The following LIFR variants were observed in gnomAD, a reference collection of about 807,000 sequenced individuals.
The protein encoded by LIFR is leukemia inhibitory factor receptor.
Under a neutral mutation model 122.2 loss-of-function variants are expected in LIFR, and 84 were observed. The ratio of observed to expected loss-of-function variants is 0.69; its 90% confidence interval spans 0.58 to 0.82. The LOEUF (loss-of-function observed/expected upper bound fraction) is 0.82, where lower values mean the gene tolerates loss of function less well. Ranked by LOEUF, LIFR falls within the 40% of genes least tolerant of loss-of-function variation. LIFR has a pLI of 0.00. For synonymous variants in LIFR, 422 were observed against 434.7 expected (o/e 0.97, Z 0.36); for missense variants, 1,294 against 1,311.6 (o/e 0.99, Z 0.21).
intron 7 of LIFR, 66 bp downstream of exon 7, chr5:38,510,398 A>C: frequency 6.7e-7 from 1 of 1,484,752 alleles, no homozygotes; most frequent in Non-Finnish European, 9.3e-7. Context: ...CTCCAGAAGA[A>C]TTAAGGCTTT....
upstream of LIFR, among the ~76,000 whole-genome samples, chr5:38,598,221 T>A (rs2112777582): frequency 1.5e-5 from 1 of 67,084 alleles, no homozygotes; most frequent in Admixed American, 1.3e-4. Flanking sequence ...CTTTTTTTTT[T>A]TTTTTTTTTT....
intron 18 of LIFR, among the ~76,000 whole-genome samples, chr5:38,483,030 T>A (rs1161014339): frequency 6.6e-6 from 1 of 152,214 alleles, no homozygotes; most frequent in East Asian, 1.9e-4. Context: ...AAGGTGGTCA[T>A]AAAGGTGATA....
chr5:38,508,972 C>T (rs1745648000), intron 7 of LIFR, among the ~76,000 whole-genome samples: 1 of 152,118 alleles, frequency 6.6e-6, no homozygotes, highest in Non-Finnish European at 1.5e-5. Context: ...ACCTAACTCA[C>T]GAAATAACCT....
chr5:38,547,447 C>T (rs1292828697), intron 1 of LIFR, among the ~76,000 whole-genome samples: 3 of 152,148 alleles, frequency 2.0e-5, no homozygotes, highest in African/African-American at 7.2e-5. Flanking sequence ...ACCATGAATT[C>T]TACACAGGAA....
At chr5:38,606,470 A>G (rs1188368204) in intron 1 of LIFR, among the ~76,000 whole-genome samples, 1 of 152,208 alleles carries the variant, frequency 6.6e-6, no homozygotes, top group African/African-American at 2.4e-5. Flanking sequence ...CCCCACCTCC[A>G]GCATTAGGGA....
chr5:38,561,538 T>C (rs1281392967), upstream of LIFR, among the ~76,000 whole-genome samples: 1 of 152,242 alleles, frequency 6.6e-6, no homozygotes, highest in East Asian at 1.9e-4. Flanking sequence ...AGCCAAGGTA[T>C]ATATATCTAT....
intron 1 of LIFR, among the ~76,000 whole-genome samples, chr5:38,531,743 A>C (rs1191656291): frequency 6.6e-6 from 1 of 152,202 alleles, no homozygotes; most frequent in Admixed American, 6.5e-5. Flanking sequence ...GAGATCCAAC[A>C]CCTAAATAAC....
At chr5:38,528,652 C>CTTA (rs1746819408) in intron 3 of LIFR, 74 bp downstream of exon 3, 1 of 886,290 alleles carries the variant, frequency 1.1e-6, no homozygotes, top group Admixed American at 2.0e-5. Context: ...GTTTCACAAG[C>CTTA]AATAAGGTAA....
intron 1 of LIFR, among the ~76,000 whole-genome samples, chr5:38,536,183 T>C (rs940299605): frequency 3.3e-5 from 5 of 152,202 alleles, no homozygotes; most frequent in African/African-American, 7.2e-5. Context: ...CAGTACTCAA[T>C]AGCTTCACAC....
At chr5:38,588,159 TG>T (rs1353907728) in intron 1 of LIFR, among the ~76,000 whole-genome samples, 2 of 152,204 alleles carry the variant, frequency 1.3e-5, no homozygotes, top group Non-Finnish European at 2.9e-5. Flanking sequence ...CATTAACATG[TG>T]ACATGGATAC....
rs1743841909 is a variant in LIFR at position 38,478,820 on chromosome 5, C to G, written c.*2775G>C. 4.5e-6 allele frequency: 1 copy of G among 221,804 alleles called. No individual in the cohort carries two copies. The highest frequency in any genetic ancestry group is 2.2e-5 in the African/African-American group (1 of 44,626). The allele number at this position is 221,804 out of a possible 1,614,324, so 13.7% of individuals were successfully genotyped here. A position where few individuals can be genotyped will look rare whatever the true frequency, so the allele number is the denominator to read the frequency against. Reference sequence around the variant, plus strand: ...TAGTTTGACAATTAGATTTTTCTAACCAATGACTGGGCTTTCACTGAGGAA... The same window carrying G: ...TAGTTTGACAATTAGATTTTTCTAAGCAATGACTGGGCTTTCACTGAGGAA... On this transcript the variant is annotated 3_prime_UTR_variant, in exon 20 of 20. Coordinates refer to ENST00000453190, the MANE Select transcript of LIFR (RefSeq NM_001127671.2).
At position 38,476,774 on chromosome 5, in the gene LIFR, C is replaced by T. The variant is rs921446474; in HGVS notation, c.*4821G>A. ...TTCTACGGTTCTTTAGGCACTTACA[C>T]ATAAAAACATTCAGAGGGTTTTCCC... On this transcript the variant is annotated 3_prime_UTR_variant, in exon 20 of 20. Transcript: ENST00000453190. The T allele has an allele frequency of 3.3e-5, 7 of 210,226 alleles. No homozygotes were observed. The highest frequency in any genetic ancestry group is 4.8e-5 in the Non-Finnish European group (5 of 103,662). The allele number at this position is 210,226 out of a possible 1,614,324, so 13.0% of individuals were successfully genotyped here. A position where few individuals can be genotyped will look rare whatever the true frequency, so the allele number is the denominator to read the frequency against.
Position 38,511,984 on chromosome 5 carries a change from CAAAACTGT to C in LIFR, c.562-28_562-21del. The C allele has an allele frequency of 6.2e-7, 1 of 1,612,418 alleles. No individual in the cohort carries two copies. The highest frequency in any genetic ancestry group is 2.2e-5 in the East Asian group (1 of 44,812). ...GGTCACCTAAAAATGAACACAAACACAAAACTGTATTTCCAAGTAGCAATATGTTTTGC... is the reference window on the plus strand; with the variant it reads ...GGTCACCTAAAAATGAACACAAACACATTTCCAAGTAGCAATATGTTTTGC... On this transcript the variant is annotated intron_variant, in intron 5 of 19. Coordinates refer to ENST00000453190, the MANE Select transcript of LIFR (RefSeq NM_001127671.2).
At chr5:38,521,286 C>G (rs890301586) in intron 5 of LIFR, among the ~76,000 whole-genome samples, 1 of 152,160 alleles carries the variant, frequency 6.6e-6, no homozygotes, top group East Asian at 1.9e-4. Flanking sequence ...CCTCCTGCAA[C>G]TTTACTAACT....
At chr5:38,564,695 T>A (rs1355975411) in intron 1 of LIFR, among the ~76,000 whole-genome samples, 1 of 151,520 alleles carries the variant, frequency 6.6e-6, no homozygotes, top group African/African-American at 2.4e-5. Flanking sequence ...TACATATGCA[T>A]ATGTATATAT....
Position 38,605,052 on chromosome 5 carries a change from A to C in LIFR, n.305+1153T>G, listed in dbSNP as rs116539152. 6.5e-3 allele frequency among the ~76,000 whole-genome samples: 985 copies of C among 152,266 alleles called. 11 individuals carry two copies. The highest frequency in any genetic ancestry group is 0.023 in the African/African-American group (942 of 41,558). Reference sequence around the variant, plus strand: ...TGGAGACCAAGGTTTTATCATGCAGATGAAGCCTTCAAGTAACAGGCCTCC... The same window carrying C: ...TGGAGACCAAGGTTTTATCATGCAGCTGAAGCCTTCAAGTAACAGGCCTCC... On this transcript the variant is annotated intron_variant and non_coding_transcript_variant, in intron 2 of 3. Coordinates refer to the LIFR transcript ENST00000507786.
At chr5:38,540,133 T>C (rs963389240) in intron 1 of LIFR, among the ~76,000 whole-genome samples, 5 of 152,136 alleles carry the variant, frequency 3.3e-5, no homozygotes, top group East Asian at 1.9e-4. Context: ...TACCACTGAA[T>C]AGGTGACAGG....
chr5:38,582,538 T>C (rs1749621018), intron 1 of LIFR, among the ~76,000 whole-genome samples: 1 of 152,184 alleles, frequency 6.6e-6, no homozygotes, highest in South Asian at 2.1e-4. Context: ...ATATATAATA[T>C]TCAAATTAAA....
intron 11 of LIFR, among the ~76,000 whole-genome samples, chr5:38,501,464 C>A (rs1297272810): frequency 6.6e-6 from 1 of 152,086 alleles, no homozygotes; most frequent in Non-Finnish European, 1.5e-5. Flanking sequence ...AAAAATTAAA[C>A]CTATTTCGGC....
Sources: allele counts gnomAD v4.1 joint callset (sites outside exome capture counted in the v4.1 genomes callset), GRCh38; gene constraint gnomAD v4.1.1; transcripts MANE v1.5; gene names NCBI Gene and HGNC (gene_info 2026-07-23, HGNC 2026-07-21).